USH2A: variants seen among roughly 807,000 people sequenced by gnomAD.
USH2A encodes Usher syndrome 2A (autosomal recessive, mild).
USH2A carries 443 observed loss-of-function variants against 538.9 expected under a neutral mutation model. The ratio of observed to expected loss-of-function variants is 0.82; its 90% confidence interval spans 0.76 to 0.89. The LOEUF is 0.89. Ranked by LOEUF, USH2A falls within the 40% of genes least tolerant of loss-of-function variation. The pLI, the probability that USH2A is intolerant of heterozygous loss-of-function variation, is 0.00. For missense variants in USH2A, 6,633 were observed against 6,324.8 expected, an observed-to-expected ratio of 1.05 and a Z score of -1.65; for synonymous variants, 2,413 against 2,273.5, an observed-to-expected ratio of 1.06 and a Z score of -1.75.
chr1:215,908,902 C>G (rs1483796324), intron 38 of USH2A, among the ~76,000 whole-genome samples: 1 of 151,134 alleles, frequency 6.6e-6, no homozygotes, highest in Admixed American at 6.6e-5. Context: ...ATTTATACTA[C>G]CATCACTAAG....
intron 38 of USH2A, among the ~76,000 whole-genome samples, chr1:215,907,350 C>T (rs541652841): frequency 4.2e-4 from 64 of 152,058 alleles, no homozygotes; most frequent in African/African-American, 1.4e-3. Context: ...TGGGCTAGAA[C>T]CTCAGGTATT....
At chr1:215,938,375 C>G (rs1231913786) in intron 37 of USH2A, among the ~76,000 whole-genome samples, 2 of 152,062 alleles carry the variant, frequency 1.3e-5, no homozygotes, top group Non-Finnish European at 2.9e-5. Context: ...TTCCTTTCTT[C>G]CTTTGAACTT....
chr1:216,034,347 GA>G (rs1669195453), intron 32 of USH2A, among the ~76,000 whole-genome samples: 1 of 152,122 alleles, frequency 6.6e-6, no homozygotes, highest in Non-Finnish European at 1.5e-5. Context: ...GAGACTACCA[GA>G]ACATTGACAA....
rs755852431 is a variant in USH2A at position 215,888,771 on chromosome 1, C to A, written c.7878G>T (p.Gly2626=). The change falls in exon 41 of 72, where the codon GGG becomes GGT. Residue 2626 remains glycine, a synonymous_variant. Transcript: ENST00000307340. Reference sequence around the variant, plus strand: ...CAGAGAACAGCTCTGGACTTGGGATCCCTTCCGGTGCCCCTGGGAGTGTCC... The same window carrying A: ...CAGAGAACAGCTCTGGACTTGGGATACCTTCCGGTGCCCCTGGGAGTGTCC... ...TVWTLPGAPE[G]IPSPELFSDT... is the part of the protein sequence containing the mutation. The A allele has an allele frequency of 1.2e-6, 2 of 1,614,062 alleles. No homozygotes were observed. Among genetic ancestry groups the A allele is most frequent in the Non-Finnish European group, 1.7e-6 (2 of 1,179,994 alleles).
Position 215,889,053 on chromosome 1 carries a change from T to C in USH2A, c.7596A>G (p.Lys2532=), listed in dbSNP as rs201084527. The C allele has an allele frequency of 1.9e-6, 3 of 1,613,336 alleles. No homozygotes were observed. The highest frequency in any genetic ancestry group is 1.3e-5 in the African/African-American group (1 of 74,876). The stretch of plus-strand genomic sequence containing the variant: ...GAATCGGAGGAACTACAGGTCCAGG[T>C]TCTGTAAAGTAAAATAAATCCAGAA... ...SWIPFMTAED[K]PGPVVPPILL... is the part of the protein sequence containing the mutation. The change falls in exon 41 of 72, where the codon AAA becomes AAG. Residue 2532 remains lysine, a splice_region_variant and synonymous_variant. Transcript: ENST00000307340.
intron 3 of USH2A, among the ~76,000 whole-genome samples, chr1:216,373,827 A>G (rs538934448): frequency 6.6e-6 from 1 of 152,184 alleles, no homozygotes; most frequent in Non-Finnish European, 1.5e-5. Context: ...GGCCCTATTC[A>G]CAATAGCAAA....
rs745325807 is a variant in USH2A at position 215,648,779 on chromosome 1, G to A, written c.14344-13C>T. On this transcript the variant is annotated splice_polypyrimidine_tract_variant and intron_variant, in intron 65 of 71. Transcript: ENST00000307340. ...TGCCTTCGGATAGCTGTGGAAGGAA[G>A]GAAGGCTAGATAAAGGCAGTGTCAA... 6.2e-6 allele frequency: 10 copies of A among 1,610,256 alleles called. No homozygotes were observed. Among genetic ancestry groups the A allele is most frequent in the Non-Finnish European group, 7.6e-6 (9 of 1,176,712 alleles).
At chr1:215,882,722 C>G (rs917575145) in intron 41 of USH2A, among the ~76,000 whole-genome samples, 1 of 152,096 alleles carries the variant, frequency 6.6e-6, no homozygotes, top group Non-Finnish European at 1.5e-5. Context: ...AAAAAAAGTT[C>G]TCTACCACTT....
intron 22 of USH2A, among the ~76,000 whole-genome samples, chr1:216,090,792 G>A (rs975772873): frequency 7.9e-5 from 12 of 152,252 alleles, no homozygotes; most frequent in African/African-American, 2.6e-4. Flanking sequence ...AGCATGGGAT[G>A]CTAATTGGGC....
At chr1:215,751,276 T>C (rs944836576) in intron 58 of USH2A, among the ~76,000 whole-genome samples, 4 of 151,248 alleles carry the variant, frequency 2.6e-5, no homozygotes, top group African/African-American at 9.7e-5. Context: ...GCAATATTAA[T>C]AAAAATTATT....
chr1:215,701,916 C>T (rs575511201), intron 61 of USH2A, among the ~76,000 whole-genome samples: 12 of 152,092 alleles, frequency 7.9e-5, no homozygotes, highest in Non-Finnish European at 1.3e-4. Context: ...TAGTGTTGAT[C>T]GTCTTTACAT....
chr1:215,693,795 G>T (rs901675018), intron 61 of USH2A, among the ~76,000 whole-genome samples: 1 of 152,182 alleles, frequency 6.6e-6, no homozygotes, highest in Admixed American at 6.5e-5. Flanking sequence ...AGACATGTAA[G>T]TTCTTACTGT....
At chr1:215,901,392 A>G (rs1259817943) in intron 38 of USH2A, 1 of 199,804 alleles carries the variant, frequency 5.0e-6, no homozygotes, top group African/African-American at 2.4e-5. Flanking sequence ...GAGGAAGGGA[A>G]GTTAGCTAAA....
rs1007311829 is a variant in USH2A at position 215,776,270 on chromosome 1, C to T, written c.10939+3573G>A. ...ATGATGGCTGCTACTCCTTCGTCCC[C>T]ATGGTATTCAGCTCAGTGAGATAGC... On this transcript the variant is annotated intron_variant, in intron 55 of 71. Coordinates refer to ENST00000307340, the MANE Select transcript of USH2A (RefSeq NM_206933.4). Among the ~76,000 whole-genome samples, 34 of 152,156 alleles carry T rather than the reference C, an allele frequency of 2.2e-4. 2 individuals are homozygous for T.
chr1:215,661,459 C>A (rs1325156579), intron 64 of USH2A, among the ~76,000 whole-genome samples: 1 of 152,190 alleles, frequency 6.6e-6, no homozygotes, highest in Non-Finnish European at 1.5e-5. Flanking sequence ...GCTCTTCCTA[C>A]TCCCTGGGTA....
chr1:215,791,792 A>G (rs867306040), intron 50 of USH2A, among the ~76,000 whole-genome samples: 4 of 152,174 alleles, frequency 2.6e-5, no homozygotes, highest in Non-Finnish European at 1.5e-5. Context: ...ATAAGTACAT[A>G]CCCAAATACA....
chr1:215,669,375 G>A (rs1041449734), intron 64 of USH2A, among the ~76,000 whole-genome samples: 1 of 152,112 alleles, frequency 6.6e-6, no homozygotes, highest in East Asian at 1.9e-4. Flanking sequence ...TGGTGGCATC[G>A]GTAAGTATTT....
intron 21 of USH2A, among the ~76,000 whole-genome samples, chr1:216,130,755 A>G (rs1268473825): frequency 6.6e-6 from 1 of 150,464 alleles, no homozygotes; most frequent in Non-Finnish European, 1.5e-5. Context: ...TGCAATTGTG[A>G]TTTGTGCCGC....
At chr1:216,017,180 C>T (rs967148245) in intron 32 of USH2A, among the ~76,000 whole-genome samples, 6 of 152,070 alleles carry the variant, frequency 3.9e-5, no homozygotes, top group African/African-American at 1.4e-4. Flanking sequence ...TTCCTTCTCT[C>T]TCAGTCTCCT....
Sources: allele counts gnomAD v4.1 joint callset (sites outside exome capture counted in the v4.1 genomes callset), GRCh38; gene constraint gnomAD v4.1.1; transcripts MANE v1.5; gene names NCBI Gene and HGNC (gene_info 2026-07-23, HGNC 2026-07-21).